The following IP6K1 variants were observed in gnomAD, a reference collection of about 807,000 sequenced individuals.
IP6K1 encodes ATP:1D-myo-inositol-hexakisphosphate phosphotransferase.
A neutral mutation model predicts 38.3 loss-of-function variants in IP6K1; 13 were observed. That is an observed-to-expected ratio of 0.34 (90% CI 0.22 to 0.54). IP6K1 has a LOEUF of 0.54. Ranked by LOEUF, IP6K1 falls within the 20% of genes least tolerant of loss-of-function variation. The pLI, the probability that IP6K1 is intolerant of heterozygous loss-of-function variation, is 0.92. For synonymous variants in IP6K1, 212 were observed against 229.9 expected, an observed-to-expected ratio of 0.92 and a Z score of 0.70; for missense variants, 397 against 599.8, an observed-to-expected ratio of 0.66 and a Z score of 3.53.
chr3:49,749,377 C>T (rs569457619), intron 1 of IP6K1, among the ~76,000 whole-genome samples: 7 of 152,290 alleles, frequency 4.6e-5, no homozygotes, highest in Admixed American at 2.0e-4. Context: ...TTTATAATGT[C>T]AATTTTCTCT....
intron 1 of IP6K1, among the ~76,000 whole-genome samples, chr3:49,777,893 G>A (rs965800768): frequency 2.0e-4 from 31 of 151,648 alleles, no homozygotes; most frequent in Admixed American, 4.6e-4. Context: ...CAGCCTGGGC[G>A]ACAGAGCGAG....
intron 1 of IP6K1, among the ~76,000 whole-genome samples, chr3:49,761,187 C>T (rs1400581885): frequency 4.0e-5 from 6 of 151,796 alleles, no homozygotes; most frequent in Admixed American, 3.9e-4. Context: ...TGGTGGTGGG[C>T]GCCTGTAGTC....
At chr3:49,744,401 CAAAAAAAAAA>C (rs56916226) in intron 2 of IP6K1, among the ~76,000 whole-genome samples, 51 of 76,204 alleles carry the variant, frequency 6.7e-4, no homozygotes, top group African/African-American at 2.3e-3. Context: ...GACTCCGTCT[CAAAAAAAAAA>C]AAAAAAAAAA....
intron 1 of IP6K1, among the ~76,000 whole-genome samples, chr3:49,770,902 G>C (rs2080952051): frequency 6.6e-6 from 1 of 152,022 alleles, no homozygotes; most frequent in Non-Finnish European, 1.5e-5. Context: ...TTGAGGTCAG[G>C]AGTTCAGGAT....
chr3:49,785,437 T>C, intron 1 of IP6K1: 1 of 151,778 alleles, frequency 6.6e-6, no homozygotes. Flanking sequence ...ACCCGGGAGG[T>C]GGAGGCTGTG....
chr3:49,777,203 C>G (rs1404785501), intron 1 of IP6K1, among the ~76,000 whole-genome samples: 1 of 149,850 alleles, frequency 6.7e-6, no homozygotes. Flanking sequence ...ACCACTGCAC[C>G]CCAATCAGGG....
Position 49,727,006 on chromosome 3 carries a change from C to T in IP6K1, c.*116G>A. The T allele has an allele frequency of 1.9e-6, 2 of 1,069,202 alleles. No homozygotes were observed. 66.2% of individuals were successfully genotyped at this position (1,069,202 alleles called of 1,614,324 possible). A position where few individuals can be genotyped will look rare whatever the true frequency, so the allele number is the denominator to read the frequency against. On this transcript the variant is annotated 3_prime_UTR_variant, in exon 6 of 6. Transcript: ENST00000321599. This position sits in a 1 kb window ranked among gnomAD's most constrained non-coding sequence, Gnocchi z 5.9. ...AGCTAAAAACATTTCTTTTAGTTTACACCAAAGAGAAATATAACCCTTTAA... is the reference window on the plus strand; with the variant it reads ...AGCTAAAAACATTTCTTTTAGTTTATACCAAAGAGAAATATAACCCTTTAA...
At chr3:49,755,768 G>A (rs2080817692) in intron 1 of IP6K1, among the ~76,000 whole-genome samples, 2 of 152,244 alleles carry the variant, frequency 1.3e-5, no homozygotes, top group South Asian at 2.1e-4. Flanking sequence ...AAGAATCACA[G>A]ACAAAAACAC....
intron 1 of IP6K1, among the ~76,000 whole-genome samples, chr3:49,766,216 T>G (rs1052445836): frequency 4.0e-5 from 6 of 151,708 alleles, no homozygotes; most frequent in African/African-American, 9.7e-5. Context: ...AGCACAAAAA[T>G]TCGCTGGGTG....
intron 1 of IP6K1, among the ~76,000 whole-genome samples, chr3:49,771,005 G>A (rs1195151621): frequency 6.6e-6 from 1 of 151,834 alleles, no homozygotes; most frequent in Non-Finnish European, 1.5e-5. Flanking sequence ...TGTAGTCCTA[G>A]CTACTAGGGA....
At chr3:49,759,239 C>T (rs2080848922) in intron 1 of IP6K1, among the ~76,000 whole-genome samples, 1 of 152,098 alleles carries the variant, frequency 6.6e-6, no homozygotes, top group African/African-American at 2.4e-5. Flanking sequence ...ATTTAAATGC[C>T]TTGATGCTTA....
chr3:49,774,799 C>T (rs549219232), intron 1 of IP6K1, among the ~76,000 whole-genome samples: 2 of 152,158 alleles, frequency 1.3e-5, no homozygotes, highest in African/African-American at 4.8e-5. Context: ...TCATTGTGTA[C>T]ACTGAGTTAT....
intron 2 of IP6K1, among the ~76,000 whole-genome samples, chr3:49,740,849 C>CT (rs1559704760): frequency 6.7e-6 from 1 of 148,684 alleles, no homozygotes; most frequent in African/African-American, 2.5e-5. Context: ...CCTGTTTTTT[C>CT]TTTTTTCTTT....
chr3:49,752,757 T>A (rs1337326602), intron 1 of IP6K1, among the ~76,000 whole-genome samples: 1 of 123,274 alleles, frequency 8.1e-6, no homozygotes, highest in African/African-American at 3.7e-5. Flanking sequence ...GCGCCTAGCC[T>A]TTTTTTTTTT....
intron 1 of IP6K1, among the ~76,000 whole-genome samples, chr3:49,756,838 A>AAAAAAAAAG (rs1559710132): frequency 8.4e-6 from 1 of 119,166 alleles, no homozygotes; most frequent in Non-Finnish European, 1.7e-5. Context: ...AAAAAAAAAA[A>AAAAAAAAAG]AAAGAAAAAA....
At chr3:49,754,564 T>C (rs896092933) in intron 1 of IP6K1, among the ~76,000 whole-genome samples, 4 of 152,122 alleles carry the variant, frequency 2.6e-5, no homozygotes, top group African/African-American at 9.7e-5. Context: ...ACTAAAGAAC[T>C]TGTTGAACCA....
At chr3:49,782,025 C>A (rs748995211) in intron 1 of IP6K1, among the ~76,000 whole-genome samples, 2 of 151,316 alleles carry the variant, frequency 1.3e-5, no homozygotes, top group Non-Finnish European at 2.9e-5. Flanking sequence ...CCCAGGAATT[C>A]GAGGCTGCAG....
At chr3:49,750,898 C>T (rs2080771203) in intron 1 of IP6K1, among the ~76,000 whole-genome samples, 1 of 151,984 alleles carries the variant, frequency 6.6e-6, no homozygotes, top group African/African-American at 2.4e-5. Context: ...GTAAATATAC[C>T]ACATATCTGT....
In IP6K1 at chr3:49,725,892, TGGAG is replaced by T. The variant is rs1166370026; in HGVS notation, c.*1226_*1229del. 6.6e-6 allele frequency: 1 copy of T among 152,186 alleles called. No individual in the cohort carries two copies. The highest frequency in any genetic ancestry group is 1.5e-5 in the Non-Finnish European group (1 of 68,072). The allele number at this position is 152,186 out of a possible 1,614,324, so 9.4% of individuals were successfully genotyped here. ...GGTCTTTATAAAAAGGCAACACCTG[TGGAG>T]GAAGGGCATGGGGCAAAAGCTCACC... On this transcript the variant is annotated 3_prime_UTR_variant, in exon 6 of 6. Transcript: ENST00000321599.
Sources: gnomAD v4.1 joint callset for allele counts (sites outside exome capture counted in the v4.1 genomes callset) on GRCh38, gnomAD v4.1.1 for gene constraint, Gnocchi (gnomAD v3.1) non-coding constraint, MANE v1.5 for transcripts, NCBI Gene and HGNC (gene_info 2026-07-23, HGNC 2026-07-21) for gene names.